Variants in PHACTR1 observed in about 807,000 individuals in gnomAD.
PHACTR1 encodes the protein phosphatase and actin regulator 1, also known as RPEL repeat containing 1.
A neutral mutation model predicts 69.2 loss-of-function variants in PHACTR1; 16 were observed. The observed-to-expected ratio is 0.23, with a 90% CI of 0.16 to 0.35. The LOEUF (loss-of-function observed/expected upper bound fraction) is 0.35, where lower values mean the gene tolerates loss of function less well. Ranked by LOEUF, PHACTR1 falls within the 10% of genes least tolerant of loss-of-function variation. The pLI, the probability that PHACTR1 is intolerant of heterozygous loss-of-function variation, is 1.00. For synonymous variants in PHACTR1, 312 were observed against 284.5 expected, an observed-to-expected ratio of 1.10 and a Z score of -0.97; for missense variants, 510 against 734.7, an observed-to-expected ratio of 0.69 and a Z score of 3.54.
chr6:13,134,487 C>T (rs1425793017), intron 5 of PHACTR1, among the ~76,000 whole-genome samples: 1 of 152,152 alleles, frequency 6.6e-6, no homozygotes, highest in East Asian at 1.9e-4. Context: ...AATCTATAAC[C>T]TTACCCCCAA....
chr6:12,812,734 C>T (rs1348535433), intron 4 of PHACTR1, among the ~76,000 whole-genome samples: 1 of 152,218 alleles, frequency 6.6e-6, no homozygotes, highest in Non-Finnish European at 1.5e-5. Flanking sequence ...GTAGGCCAAA[C>T]AGACCCTTGC....
intron 5 of PHACTR1, among the ~76,000 whole-genome samples, chr6:13,140,434 A>G (rs1001472259): frequency 1.3e-5 from 2 of 152,120 alleles, no homozygotes; most frequent in African/African-American, 2.4e-5. Flanking sequence ...TATATATACA[A>G]TGGAGTATTA....
intron 4 of PHACTR1, among the ~76,000 whole-genome samples, chr6:13,023,230 A>C (rs1441220472): frequency 6.6e-6 from 1 of 152,190 alleles, no homozygotes; most frequent in Admixed American, 6.5e-5. Context: ...AAATCAGCCT[A>C]CAAAGAAATA....
chr6:12,980,992 G>C (rs535173003), intron 4 of PHACTR1, among the ~76,000 whole-genome samples: 4 of 152,314 alleles, frequency 2.6e-5, no homozygotes, highest in African/African-American at 7.2e-5. Flanking sequence ...CATTCTCCTT[G>C]ACATAAACCT....
chr6:12,892,676 A>T (rs1234501975), intron 4 of PHACTR1, among the ~76,000 whole-genome samples: 1 of 152,240 alleles, frequency 6.6e-6, no homozygotes, highest in Non-Finnish European at 1.5e-5. Flanking sequence ...CCCCCATGGA[A>T]AAAAAGGAAC....
At chr6:12,933,751 C>G in intron 4 of PHACTR1, 1 of 1,612,844 alleles carries the variant, frequency 6.2e-7, no homozygotes, top group South Asian at 1.1e-5. Flanking sequence ...TGAAGACAGC[C>G]CCTACATACA....
chr6:12,791,250 TG>T (rs1232580694), intron 4 of PHACTR1, among the ~76,000 whole-genome samples: 1 of 152,218 alleles, frequency 6.6e-6, no homozygotes, highest in Admixed American at 6.5e-5. Flanking sequence ...ACATGTTTTT[TG>T]AATGAGGATA....
At chr6:13,000,366 C>T (rs948154559) in intron 4 of PHACTR1, among the ~76,000 whole-genome samples, 4 of 152,004 alleles carry the variant, frequency 2.6e-5, no homozygotes, top group South Asian at 4.2e-4. Flanking sequence ...TGGGCAACAT[C>T]GTGAGACCCC....
intron 4 of PHACTR1, among the ~76,000 whole-genome samples, chr6:13,008,555 G>A (rs562558382): frequency 1.3e-5 from 2 of 152,200 alleles, no homozygotes; most frequent in Non-Finnish European, 2.9e-5. Context: ...CTTAATCACA[G>A]TCTTCTCTTC....
At chr6:13,024,808 TG>T (rs1220650581) in intron 4 of PHACTR1, among the ~76,000 whole-genome samples, 3 of 152,130 alleles carry the variant, frequency 2.0e-5, no homozygotes, top group Admixed American at 1.3e-4. Flanking sequence ...GGAGTAGAAA[TG>T]ATGGGCTACT....
chr6:12,840,423 A>C (rs1778577537), intron 4 of PHACTR1, among the ~76,000 whole-genome samples: 1 of 152,194 alleles, frequency 6.6e-6, no homozygotes, highest in Admixed American at 6.5e-5. Context: ...CATGCTAACA[A>C]CCTAAGCATA....
At position 12,824,615 on chromosome 6, in the gene PHACTR1, G is replaced by T. The variant is rs116618080; in HGVS notation, c.250+74825G>T. On this transcript the variant is annotated intron_variant, in intron 4 of 14. Transcript: ENST00000332995. Reference sequence around the variant, plus strand: ...ATGGAATTCAGAAAGTTTAGAGGGGGTAGTGAAGAAAGGCATGGAGGCTAG... The same window carrying T: ...ATGGAATTCAGAAAGTTTAGAGGGGTTAGTGAAGAAAGGCATGGAGGCTAG... Among the ~76,000 whole-genome samples, 90 of 152,314 alleles carry T rather than the reference G, an allele frequency of 5.9e-4. 2 individuals are homozygous for T. The highest frequency in any genetic ancestry group is 1.1e-3 in the Non-Finnish European group (72 of 68,034).
chr6:12,749,933 G>A, intron 4 of PHACTR1, 143 bp downstream of exon 4: 1 of 768,788 alleles, frequency 1.3e-6, no homozygotes, highest in Non-Finnish European at 2.0e-6. Context: ...TGTCTCCGGT[G>A]CGCAGAGGGC....
intron 4 of PHACTR1, among the ~76,000 whole-genome samples, chr6:12,803,138 A>G (rs1338310277): frequency 6.6e-6 from 1 of 152,182 alleles, no homozygotes; most frequent in East Asian, 1.9e-4. Context: ...GCACTGCTCA[A>G]GAACTGTGCA....
At chr6:12,988,302 G>A (rs879882535) in intron 4 of PHACTR1, among the ~76,000 whole-genome samples, 9 of 152,202 alleles carry the variant, frequency 5.9e-5, no homozygotes, top group Admixed American at 5.9e-4. Flanking sequence ...TGCTGGAGCT[G>A]ACCTAGAAAT....
At position 13,182,665 on chromosome 6, in the gene PHACTR1, T is replaced by G; in HGVS notation, c.643T>G (p.Ser215Ala). 1 of 1,569,548 alleles carries G rather than the reference T, an allele frequency of 6.4e-7. No individual in the cohort carries two copies. The highest frequency in any genetic ancestry group is 8.6e-7 in the Non-Finnish European group (1 of 1,159,534). ...DPCSYEVLQP[S>A]DIMDGPDPGA... ...CTGCTCATATGAGGTGCTCCAACCG[T>G]CAGACATCATGGATGGGCCAGGTAA... The change falls in exon 7 of 15, where the codon TCA (serine) becomes GCA (alanine). Residue 215 changes from serine to alanine, a missense_variant. Transcript: ENST00000332995.
intron 4 of PHACTR1, among the ~76,000 whole-genome samples, chr6:13,000,376 C>T (rs939369298): frequency 2.0e-5 from 3 of 152,098 alleles, no homozygotes; most frequent in African/African-American, 7.2e-5. Context: ...CGTGAGACCC[C>T]GTCTCTATAA....
chr6:12,748,743 C>T lies in PHACTR1; in HGVS notation c.104-901C>T, dbSNP rs567398533. On this transcript the variant is annotated intron_variant, in intron 3 of 14. Transcript: ENST00000332995. ...CCAACCCAAACACTATTATTTGTGA[C>T]CAAATAAAGAGGAATTCGGTTAAAA... Among the ~76,000 whole-genome samples, 7 of 152,144 alleles carry T rather than the reference C, an allele frequency of 4.6e-5. No individual in the cohort carries two copies. In the South Asian group the frequency reaches 1.5e-3, roughly 32 times the overall value.
intron 4 of PHACTR1, among the ~76,000 whole-genome samples, chr6:12,890,312 G>T (rs1236591850): frequency 6.6e-6 from 1 of 152,090 alleles, no homozygotes; most frequent in African/African-American, 2.4e-5. Flanking sequence ...AAAGGTTGGG[G>T]CTCGCTGTGC....
Sources: allele counts gnomAD v4.1 joint callset (sites outside exome capture counted in the v4.1 genomes callset), GRCh38; gene constraint gnomAD v4.1.1; transcripts MANE v1.5; gene names NCBI Gene and HGNC (gene_info 2026-07-23, HGNC 2026-07-21).